Variants in MYO3A observed in about 807,000 individuals in gnomAD.
The protein encoded by MYO3A is myosin-IIIa.
Under a neutral mutation model 192.7 loss-of-function variants are expected in MYO3A, and 180 were observed. That is an observed-to-expected ratio of 0.93 (90% confidence interval 0.83 to 1.06). The LOEUF is 1.06. Ranked by LOEUF, MYO3A falls within the 50% of genes least tolerant of loss-of-function variation. MYO3A has a pLI of 0.00. For synonymous variants in MYO3A, 628 were observed against 645.3 expected (o/e 0.97, Z 0.41); for missense variants, 1,896 against 1,905.0 (o/e 1.00, Z 0.09).
intron 17 of MYO3A, among the ~76,000 whole-genome samples, chr10:26,102,713 G>A (rs573974909): frequency 1.3e-5 from 2 of 152,180 alleles, no homozygotes; most frequent in Admixed American, 6.5e-5. Flanking sequence ...CTGCAGAACC[G>A]CAAATATTGC....
intron 15 of MYO3A, among the ~76,000 whole-genome samples, chr10:26,094,815 G>A (rs1194856863): frequency 6.6e-6 from 1 of 152,172 alleles, no homozygotes; most frequent in Admixed American, 6.5e-5. Flanking sequence ...ACCCTGGAAT[G>A]TTTTTAAATC....
At chr10:26,029,093 A>T (rs1257208581) in intron 10 of MYO3A, among the ~76,000 whole-genome samples, 1 of 152,160 alleles carries the variant, frequency 6.6e-6, no homozygotes, top group East Asian at 1.9e-4. Context: ...AATTTGAGAG[A>T]CCCATAAATA....
At position 26,168,882 on chromosome 10, in the gene MYO3A, C is replaced by T; in HGVS notation, c.3274+8C>T. 6.2e-7 allele frequency: 1 copy of T among 1,604,386 alleles called. No homozygotes were observed. The highest frequency in any genetic ancestry group is 8.5e-7 in the Non-Finnish European group (1 of 1,174,336). On this transcript the variant is annotated splice_region_variant and intron_variant, in intron 28 of 34. Coordinates refer to ENST00000642920, the MANE Select transcript of MYO3A (RefSeq NM_017433.5). ...CTATAATAATACAGTCAGGTAATCT[C>T]TTTGACATATTTAGATATGGTCATA...
In MYO3A at chr10:26,140,411, C is replaced by T. The variant is rs60359335; in HGVS notation, c.2263-3037C>T. Among the ~76,000 whole-genome samples, 1,033 of 152,230 alleles carry T rather than the reference C, an allele frequency of 6.8e-3. 17 individuals are homozygous for T. Among genetic ancestry groups the T allele is most frequent in the African/African-American group, 0.024 (978 of 41,520 alleles). ...TGAAAAACAAGGGAGAGGCTGGGCACGGTGGCTCACGCCTGTAATCCCAGC... is the reference window on the plus strand; with the variant it reads ...TGAAAAACAAGGGAGAGGCTGGGCATGGTGGCTCACGCCTGTAATCCCAGC... On this transcript the variant is annotated intron_variant, in intron 20 of 34. Coordinates refer to ENST00000642920, the MANE Select transcript of MYO3A (RefSeq NM_017433.5).
rs764760750 is a variant in MYO3A at position 26,088,345 on chromosome 10, T to C, written c.1502T>C (p.Val501Ala). ...LEMKFTSSGA[V>A]VGAQISEYLL... is the part of the protein sequence containing the mutation. Reference sequence around the variant, plus strand: ...ATGAAATTCACCTCTTCTGGAGCGGTAGTGGGAGCACAGATTTCTGAATAT... The same window carrying C: ...ATGAAATTCACCTCTTCTGGAGCGGCAGTGGGAGCACAGATTTCTGAATAT... The change falls in exon 15 of 35, where the codon GTA becomes GCA. Residue 501 changes from valine to alanine, a missense_variant. Val to Ala is a moderately conservative substitution (Grantham distance 64). Transcript: ENST00000642920. 3 of 1,613,850 alleles carry C rather than the reference T, an allele frequency of 1.9e-6. No individual in the cohort carries two copies. Among genetic ancestry groups the C allele is most frequent in the Admixed American group, 3.3e-5 (2 of 60,002 alleles).
chr10:26,172,241 G>T (rs892558287), intron 29 of MYO3A, among the ~76,000 whole-genome samples: 2 of 152,202 alleles, frequency 1.3e-5, no homozygotes, highest in Non-Finnish European at 2.9e-5. Flanking sequence ...TACCTGAAGC[G>T]CTTGTTTTCA....
At chr10:25,955,542 A>G (rs1837485106) in intron 4 of MYO3A, among the ~76,000 whole-genome samples, 1 of 152,178 alleles carries the variant, frequency 6.6e-6, no homozygotes, top group African/African-American at 2.4e-5. Context: ...GGAAAGCTGT[A>G]GTGTCTGCCC....
In MYO3A at chr10:26,183,250, C is replaced by T. The variant is rs532247652; in HGVS notation, c.4438+6405C>T. 4.6e-5 allele frequency among the ~76,000 whole-genome samples: 7 copies of T among 152,264 alleles called. No individual in the cohort carries two copies. In the East Asian group the frequency reaches 5.8e-4, roughly 13 times the overall value. On this transcript the variant is annotated intron_variant, in intron 31 of 34. Transcript: ENST00000642920. ...TAAAAAACTAAATGTTTCGGCTGGG[C>T]GTGGTGGCTCACGCCTGTAATCCCA...
intron 4 of MYO3A, among the ~76,000 whole-genome samples, chr10:25,992,534 T>G (rs905698509): frequency 1.3e-5 from 2 of 152,252 alleles, no homozygotes; most frequent in Non-Finnish European, 2.9e-5. Flanking sequence ...TGGCCAGAAC[T>G]TCCAACACTA....
chr10:26,206,341 G>A (rs1026420555), intron 34 of MYO3A, among the ~76,000 whole-genome samples: 1 of 151,512 alleles, frequency 6.6e-6, no homozygotes, highest in Non-Finnish European at 1.5e-5. Context: ...GATTACAGGC[G>A]TGAGCCACAG....
At chr10:26,207,112 AT>A (rs1434839473) in intron 34 of MYO3A, among the ~76,000 whole-genome samples, 5 of 147,672 alleles carry the variant, frequency 3.4e-5, no homozygotes, top group Admixed American at 2.7e-4. Flanking sequence ...TATATTTTGG[AT>A]ATTAACCACT....
intron 10 of MYO3A, among the ~76,000 whole-genome samples, chr10:26,048,852 C>T (rs766250723): frequency 7.9e-5 from 12 of 152,004 alleles, no homozygotes; most frequent in Non-Finnish European, 1.6e-4. Context: ...TATTCAATGC[C>T]ACGGCATTGG....
chr10:26,132,747 A>G (rs373088165), intron 20 of MYO3A, among the ~76,000 whole-genome samples: 4 of 151,952 alleles, frequency 2.6e-5, no homozygotes, highest in Admixed American at 6.6e-5. Flanking sequence ...ACATGCATCT[A>G]TGGGTTTGGA....
chr10:26,154,874 A>G (rs1841021700), intron 25 of MYO3A, 51 bp downstream of exon 25: 1 of 1,470,652 alleles, frequency 6.8e-7, no homozygotes, highest in Non-Finnish European at 9.4e-7. Context: ...ATTTAGTCTA[A>G]ATGAGTTACA....
At chr10:26,137,795 G>T (rs902627481) in intron 20 of MYO3A, among the ~76,000 whole-genome samples, 2 of 152,192 alleles carry the variant, frequency 1.3e-5, no homozygotes, top group African/African-American at 4.8e-5. Flanking sequence ...ATGTGGTTGA[G>T]ATAAGGACTG....
intron 6 of MYO3A, among the ~76,000 whole-genome samples, chr10:26,003,258 T>A (rs1840968096): frequency 6.6e-6 from 1 of 152,236 alleles, no homozygotes; most frequent in Non-Finnish European, 1.5e-5. Context: ...TATTCCTACT[T>A]AGCCTATAGC....
At chr10:26,017,617 T>G (rs1253626785) in intron 7 of MYO3A, among the ~76,000 whole-genome samples, 1 of 152,050 alleles carries the variant, frequency 6.6e-6, no homozygotes, top group Non-Finnish European at 1.5e-5. Flanking sequence ...TAATTAAATT[T>G]GAGGATTAAA....
chr10:26,068,946 A>G (rs576896799), intron 12 of MYO3A, 62 bp downstream of exon 12: 6 of 1,107,342 alleles, frequency 5.4e-6, no homozygotes, highest in African/African-American at 4.6e-5. Flanking sequence ...AGATACTTAA[A>G]TTAATTTAAA....
chr10:26,139,352 T>TC (rs11427007), intron 20 of MYO3A, among the ~76,000 whole-genome samples: 1 of 151,610 alleles, frequency 6.6e-6, no homozygotes, highest in Admixed American at 6.6e-5. Context: ...GTGATTTTCT[T>TC]TCTCAGCCTC....
Sources: allele counts gnomAD v4.1 joint callset (sites outside exome capture counted in the v4.1 genomes callset), GRCh38; gene constraint gnomAD v4.1.1; transcripts MANE v1.5; gene names NCBI Gene and HGNC (gene_info 2026-07-23, HGNC 2026-07-21).